Variants in KLRG1 observed in about 807,000 individuals in gnomAD.
KLRG1 encodes killer cell lectin like receptor G1.
Under a neutral mutation model 21.8 loss-of-function variants are expected in KLRG1, and 16 were observed. The observed-to-expected ratio is 0.73, with a 90% confidence interval of 0.50 to 1.11. KLRG1 has a LOEUF of 1.11. Ranked by LOEUF, KLRG1 falls within the 50% of genes most tolerant of loss-of-function variation. KLRG1 has a pLI of 0.00. For missense variants in KLRG1, 173 were observed against 218.3 expected (o/e 0.79, Z 1.31); for synonymous variants, 69 against 75.9 (o/e 0.91, Z 0.47).
the KLRG1 span, among the ~76,000 whole-genome samples, chr12:9,020,982 G>T: frequency 2.0e-5 from 3 of 152,154 alleles, no homozygotes; most frequent in Non-Finnish European, 2.9e-5. Context: ...CTGCAAACCT[G>T]CACAGCAAGT....
chr12:9,151,938 C>T, the KLRG1 span, among the ~76,000 whole-genome samples: 1 of 152,120 alleles, frequency 6.6e-6, no homozygotes, highest in Non-Finnish European at 1.5e-5. Context: ...TAAACCATAT[C>T]CTATCTTTCT....
the KLRG1 span, among the ~76,000 whole-genome samples, chr12:9,061,085 A>G: frequency 6.6e-6 from 1 of 152,096 alleles, no homozygotes; most frequent in Non-Finnish European, 1.5e-5. Context: ...AACCAGAGTC[A>G]TGGGTTGTAT....
chr12:9,146,987 A>G, the KLRG1 span, among the ~76,000 whole-genome samples: 54 of 152,278 alleles, frequency 3.5e-4, no homozygotes, highest in Middle Eastern at 0.01. Context: ...AGCAAGGGGA[A>G]GGATTAATGG....
the KLRG1 span, among the ~76,000 whole-genome samples, chr12:9,130,895 CCTGT>C: frequency 3.1e-4 from 47 of 151,958 alleles, no homozygotes; most frequent in Non-Finnish European, 5.3e-4. Flanking sequence ...ATGAGATTAT[CCTGT>C]CTGTTTTCTT....
At chr12:9,095,713 G>T in the KLRG1 span, 2 of 977,170 alleles carry the variant, frequency 2.0e-6, no homozygotes, top group South Asian at 1.5e-5. Context: ...GTACAAATAC[G>T]AAAGACAAAA....
At chr12:9,036,663 A>C in the KLRG1 span, 1 of 221,834 alleles carries the variant, frequency 4.5e-6, no homozygotes, top group Non-Finnish European at 9.5e-6. Context: ...TCAAGGTTTG[A>C]AACTAATATT....
chr12:9,203,648 T>A, the KLRG1 span: 11 of 1,240,730 alleles, frequency 8.9e-6, no homozygotes, highest in Non-Finnish European at 1.2e-5. Flanking sequence ...GCCCCTGAAG[T>A]CCTAACTACA....
the KLRG1 span, among the ~76,000 whole-genome samples, chr12:9,173,158 G>C: frequency 1.3e-5 from 2 of 152,186 alleles, no homozygotes; most frequent in African/African-American, 4.8e-5. Flanking sequence ...TAGAACTCAA[G>C]ATTAAGAAAT....
the KLRG1 span, among the ~76,000 whole-genome samples, chr12:9,037,660 A>T: frequency 6.6e-6 from 1 of 152,182 alleles, no homozygotes; most frequent in African/African-American, 2.4e-5. Flanking sequence ...AGTCCTGCAA[A>T]CCCCATTCGT....
the KLRG1 span, among the ~76,000 whole-genome samples, chr12:9,082,054 G>A: frequency 6.6e-6 from 1 of 152,172 alleles, no homozygotes; most frequent in African/African-American, 2.4e-5. Flanking sequence ...CCCCACCCAG[G>A]TAGCAGACAC....
At chr12:9,161,155 A>T in the KLRG1 span, 1 of 1,446,338 alleles carries the variant, frequency 6.9e-7, no homozygotes, top group South Asian at 1.3e-5. Context: ...GAGGACATCT[A>T]TGATTACAAT....
intron 3 of KLRG1, among the ~76,000 whole-genome samples, chr12:9,004,878 T>A (rs925164991): frequency 6.6e-6 from 1 of 152,208 alleles, no homozygotes; most frequent in African/African-American, 2.4e-5. Context: ...TATTTATTAT[T>A]TTTAAGGAAA....
At chr12:9,142,508 T>C in the KLRG1 span, among the ~76,000 whole-genome samples, 2 of 152,244 alleles carry the variant, frequency 1.3e-5, no homozygotes, top group Admixed American at 6.5e-5. Context: ...TTTTAAAGAT[T>C]AAAGTCACGT....
chr12:9,080,345 T>C, the KLRG1 span: 1 of 398,006 alleles, frequency 2.5e-6, no homozygotes, highest in Non-Finnish European at 4.5e-6. Context: ...AATGGGCTAC[T>C]GGTTTCCTGT....
At chr12:9,102,433 C>A in the KLRG1 span, among the ~76,000 whole-genome samples, 1 of 152,134 alleles carries the variant, frequency 6.6e-6, no homozygotes, top group Non-Finnish European at 1.5e-5. Context: ...CTAGGCTCGT[C>A]TCGATCTCCT....
the KLRG1 span, chr12:9,107,466 A>G: frequency 1.9e-6 from 3 of 1,590,086 alleles, no homozygotes; most frequent in East Asian, 2.3e-5. Context: ...GCTGCAACTC[A>G]CTGCTTTTCA....
the KLRG1 span, chr12:9,089,361 A>C: frequency 1.2e-6 from 1 of 801,812 alleles, no homozygotes. Context: ...TTTGAACTGT[A>C]TTATCTAAGA....
chr12:8,961,400 A>G (rs80318257), intron 1 of KLRG1, among the ~76,000 whole-genome samples: 1,534 of 152,084 alleles, frequency 0.01, 24 homozygotes, highest in African/African-American at 0.034. Flanking sequence ...AAGAGATGGC[A>G]ATTTTTATTT....
At chr12:9,150,822 T>C in the KLRG1 span, 1 of 939,184 alleles carries the variant, frequency 1.1e-6, no homozygotes, top group African/African-American at 1.6e-5. Flanking sequence ...ATATTCTTAT[T>C]GTTCTTTGAC....
Sources: gnomAD v4.1 joint callset for allele counts (sites outside exome capture counted in the v4.1 genomes callset) on GRCh38, gnomAD v4.1.1 for gene constraint, MANE v1.5 for transcripts, NCBI Gene and HGNC (gene_info 2026-07-23, HGNC 2026-07-21) for gene names.